Variants in PDK1 observed in about 807,000 individuals in gnomAD.
PDK1 encodes [Pyruvate dehydrogenase (acetyl-transferring)] kinase isozyme 1, mitochondrial.
PDK1 carries 39 observed loss-of-function variants against 54.2 expected under a neutral mutation model. The ratio of observed to expected loss-of-function variants is 0.72; its 90% confidence interval spans 0.56 to 0.94. The LOEUF is 0.94. Ranked by LOEUF, PDK1 falls within the 40% of genes least tolerant of loss-of-function variation. PDK1 has a pLI of 0.00. For missense variants in PDK1, 552 were observed against 566.0 expected (o/e 0.98, Z 0.25); for synonymous variants, 221 against 207.1 (o/e 1.07, Z -0.58).
chr2:172,615,121 G>A, the PDK1 span, among the ~76,000 whole-genome samples: 6 of 152,298 alleles, frequency 3.9e-5, no homozygotes, highest in Admixed American at 1.3e-4. Flanking sequence ...GCTCCCTGCC[G>A]CAAGGGGTTG....
At chr2:172,679,843 G>GT in the PDK1 span, among the ~76,000 whole-genome samples, 1 of 151,902 alleles carries the variant, frequency 6.6e-6, no homozygotes, top group Non-Finnish European at 1.5e-5. Flanking sequence ...TCGAACACAG[G>GT]TTAAATCTCT....
the PDK1 span, among the ~76,000 whole-genome samples, chr2:172,675,296 A>G: frequency 6.6e-6 from 1 of 152,252 alleles, no homozygotes; most frequent in Non-Finnish European, 1.5e-5. Flanking sequence ...ATCAAAAGCT[A>G]GAACTGATTA....
intron 5 of PDK1, among the ~76,000 whole-genome samples, 166 bp from the exon 6 acceptor site, chr2:172,566,679 GACCATGTCTCT>G (rs1258989949): frequency 7.4e-6 from 1 of 134,384 alleles, no homozygotes; most frequent in Non-Finnish European, 1.5e-5. Flanking sequence ...AATATAGGGA[GACCATGTCTCT>G]ACCAAAAAAA....
In PDK1 at chr2:172,592,973, C is replaced by A. The variant is rs138447627; in HGVS notation, c.1095C>A (p.Tyr365Ter). The A allele has an allele frequency of 6.2e-7, 1 of 1,612,024 alleles. No homozygotes were observed. The highest frequency in any genetic ancestry group is 8.5e-7 in the Non-Finnish European group (1 of 1,178,592). ...FGYGLPISRLYAQYFQGDLKL... is the reference protein window; with the variant it reads ...FGYGLPISRL ...ATGGATTGCCCATATCACGTCTTTACGCACAATACTTCCAAGGAGACCTGA... is the reference window on the plus strand; with the variant it reads ...ATGGATTGCCCATATCACGTCTTTAAGCACAATACTTCCAAGGAGACCTGA... Residue 365 changes from tyrosine to a stop codon, truncating the protein, a stop_gained, in exon 10 of 11, where the codon TAC becomes TAA. Transcript: ENST00000282077. LOFTEE classifies it high-confidence loss of function.
At chr2:172,668,867 G>T in the PDK1 span, among the ~76,000 whole-genome samples, 12 of 103,900 alleles carry the variant, frequency 1.2e-4, no homozygotes, top group African/African-American at 3.6e-4. Flanking sequence ...ATATATGTAT[G>T]TATGTACACA....
chr2:172,586,881 T>G (rs1455509533), intron 9 of PDK1, among the ~76,000 whole-genome samples: 2 of 152,224 alleles, frequency 1.3e-5, no homozygotes, highest in African/African-American at 2.4e-5. Context: ...TTTGTTAATC[T>G]TAGTTCCACC....
rs751869105 is a variant in PDK1, at chr2:172,604,880, A to G, written c.*8911A>G. On this transcript the variant is annotated 3_prime_UTR_variant, in exon 11 of 11. Coordinates refer to ENST00000282077, the MANE Select transcript of PDK1 (RefSeq NM_002610.5). ...TTTATATTGGGTATGTTCTTATCCA[A>G]CTATCATTAGGGGCATTGATCTCTG... 4 of 152,310 alleles carry G rather than the reference A, an allele frequency of 2.6e-5. No individual in the cohort carries two copies. Among genetic ancestry groups the G allele is most frequent in the Non-Finnish European group, 4.4e-5 (3 of 68,042 alleles). The allele number at this position is 152,310 out of a possible 1,614,324, so 9.4% of individuals were successfully genotyped here. A position where few individuals can be genotyped will look rare whatever the true frequency, so the allele number is the denominator to read the frequency against.
chr2:172,656,254 A>T, the PDK1 span, among the ~76,000 whole-genome samples: 1 of 152,210 alleles, frequency 6.6e-6, no homozygotes, highest in East Asian at 1.9e-4. Flanking sequence ...CATTATGAAA[A>T]TACAGAGCAA....
At chr2:172,622,255 C>CAT in the PDK1 span, among the ~76,000 whole-genome samples, 3 of 124,934 alleles carry the variant, frequency 2.4e-5, no homozygotes, top group African/African-American at 3.6e-5. Flanking sequence ...GTTTATATCT[C>CAT]ATATTATGTG....
chr2:172,635,155 T>A, the PDK1 span, among the ~76,000 whole-genome samples: 3 of 152,254 alleles, frequency 2.0e-5, no homozygotes, highest in Non-Finnish European at 2.9e-5. Context: ...TATGTTTCTA[T>A]ATACTATAGA....
Position 172,597,827 on chromosome 2 carries a change from G to A in PDK1, c.*1858G>A, listed in dbSNP as rs1441757004. ...AGAGTTTTGCCACTTAAACAGGGGA[G>A]CTTTGTCTGGAAAATACACTGAGTT... On this transcript the variant is annotated 3_prime_UTR_variant, in exon 11 of 11. Transcript: ENST00000282077. The A allele has an allele frequency of 6.6e-6, 1 of 152,202 alleles. No individual in the cohort carries two copies. The highest frequency in any genetic ancestry group is 2.4e-5 in the African/African-American group (1 of 41,454). 9.4% of individuals were successfully genotyped at this position (152,202 alleles called of 1,614,324 possible).
the PDK1 span, among the ~76,000 whole-genome samples, chr2:172,646,735 C>CTTTTTTTTT: frequency 0.011 from 819 of 71,924 alleles, 61 homozygotes; most frequent in African/African-American, 0.039. Flanking sequence ...CTTGCATTTC[C>CTTTTTTTTT]TTTTTTTTTT....
At chr2:172,639,322 C>A in the PDK1 span, among the ~76,000 whole-genome samples, 3 of 152,344 alleles carry the variant, frequency 2.0e-5, no homozygotes, top group South Asian at 6.2e-4. Flanking sequence ...CCACCTATAT[C>A]CTGAATGACC....
the PDK1 span, among the ~76,000 whole-genome samples, chr2:172,685,814 G>C: frequency 1.3e-5 from 2 of 152,182 alleles, no homozygotes; most frequent in South Asian, 4.1e-4. Context: ...CACCTCATTC[G>C]ATGCTGAACA....
the PDK1 span, among the ~76,000 whole-genome samples, chr2:172,616,854 A>G: frequency 6.6e-6 from 1 of 152,186 alleles, no homozygotes; most frequent in East Asian, 1.9e-4. Flanking sequence ...TTGGAAAGTC[A>G]ACTTGAAAAC....
the PDK1 span, chr2:172,691,157 G>C: frequency 6.7e-6 from 1 of 150,070 alleles, no homozygotes; most frequent in Non-Finnish European, 1.5e-5. Flanking sequence ...CAGAAGTATT[G>C]AGCAAAAGGT....
chr2:172,639,018 A>T, the PDK1 span, among the ~76,000 whole-genome samples: 1 of 152,204 alleles, frequency 6.6e-6, no homozygotes, highest in Non-Finnish European at 1.5e-5. Flanking sequence ...ACATTTTAGT[A>T]CCTTTTTAAA....
chr2:172,621,827 G>T, the PDK1 span, among the ~76,000 whole-genome samples: 1 of 121,652 alleles, frequency 8.2e-6, no homozygotes, highest in South Asian at 2.7e-4. Flanking sequence ...TATGATATAT[G>T]TTTATATCTC....
chr2:172,619,621 T>A, the PDK1 span, among the ~76,000 whole-genome samples: 1 of 151,998 alleles, frequency 6.6e-6, no homozygotes, highest in Non-Finnish European at 1.5e-5. Context: ...GAGTAAAAAA[T>A]TCAGAGAAGG....
Sources: allele counts gnomAD v4.1 joint callset (sites outside exome capture counted in the v4.1 genomes callset), GRCh38; gene constraint gnomAD v4.1.1; transcripts MANE v1.5; gene names NCBI Gene and HGNC (gene_info 2026-07-23, HGNC 2026-07-21).